Variants in CA4 observed in about 807,000 individuals in gnomAD.
CA4 encodes the protein carbonic anhydrase 4.
Under a neutral mutation model 34.5 loss-of-function variants are expected in CA4, and 24 were observed. That is an observed-to-expected ratio of 0.70 (90% CI 0.50 to 0.98). The LOEUF (loss-of-function observed/expected upper bound fraction) is 0.98. Among genes scored for constraint, CA4 ranks in the 50% least tolerant of loss-of-function variants. The pLI is 0.00. For synonymous variants in CA4, 178 were observed against 170.6 expected (o/e 1.04, Z -0.34); for missense variants, 394 against 396.7 (o/e 0.99, Z 0.06).
chr17:60,160,432 A>T (rs981956087), downstream of CA4, among the ~76,000 whole-genome samples: 3 of 152,184 alleles, frequency 2.0e-5, no homozygotes, highest in Non-Finnish European at 4.4e-5. Flanking sequence ...ATGTTGTCTA[A>T]TAGATCGGGA....
At chr17:60,170,310 C>G (rs115603491) in intron 5 of CA4, among the ~76,000 whole-genome samples, 1 of 152,208 alleles carries the variant, frequency 6.6e-6, no homozygotes, top group African/African-American at 2.4e-5. Flanking sequence ...GTGGGGAGCA[C>G]GAGATTCTCA....
intron 2 of CA4, among the ~76,000 whole-genome samples, 156 bp downstream of exon 2, chr17:60,155,523 A>ACACACACACACACACACT (rs1470282977): frequency 2.1e-5 from 3 of 146,294 alleles, no homozygotes; most frequent in African/African-American, 7.8e-5. Context: ...ACACACACAC[A>ACACACACACACACACACT]CTCTCTCTCT....
Position 60,157,718 on chromosome 17 carries a change from G to A in CA4, c.443G>A (p.Gly148Glu). The change falls in exon 5 of 8, where the codon GGG becomes GAG. Residue 148 changes from glycine (G) to glutamate (E), a missense_variant. By Grantham distance (98) the Gly-to-Glu change is moderately conservative (BLOSUM62 -2). Coordinates refer to ENST00000300900, the MANE Select transcript of CA4 (RefSeq NM_000717.5). ...EMHIVHEKEKGTSRNVKEAQD... is the reference protein window; with the variant it reads ...EMHIVHEKEKETSRNVKEAQD... ...CACATAGTACATGAGAAAGAGAAGGGGACATCGAGGAATGTGAAAGAGGCC... is the reference window on the plus strand; with the variant it reads ...CACATAGTACATGAGAAAGAGAAGGAGACATCGAGGAATGTGAAAGAGGCC... The A allele has an allele frequency of 1.2e-6, 2 of 1,614,044 alleles. No homozygotes were observed. The highest frequency in any genetic ancestry group is 1.3e-5 in the African/African-American group (1 of 75,042).
Position 60,159,438 on chromosome 17 carries a change from C to T in CA4, c.*14C>T. 6.2e-7 allele frequency: 1 copy of T among 1,609,138 alleles called. No homozygotes were observed. The highest frequency in any genetic ancestry group is 1.1e-5 in the South Asian group (1 of 90,718). ...TTCCTGCGATGATGGCTCACTTCTG[C>T]ACGCAGCCTCTCTGTTGCCTCAGCT... On this transcript the variant is annotated 3_prime_UTR_variant, in exon 8 of 8. Transcript: ENST00000300900.
At chr17:60,172,294 T>C (rs1048875752), downstream of CA4, among the ~76,000 whole-genome samples, 1 of 152,192 alleles carries the variant, frequency 6.6e-6, no homozygotes, top group African/African-American at 2.4e-5. Flanking sequence ...ACTGGGCTCC[T>C]CTCTCTGGCA....
At chr17:60,160,738 G>C (rs1335976081), downstream of CA4, among the ~76,000 whole-genome samples, 1 of 122,774 alleles carries the variant, frequency 8.1e-6, no homozygotes, top group Non-Finnish European at 1.7e-5. Context: ...GTGACAGAGA[G>C]AGACTCTGTC....
At chr17:60,171,191 G>A (rs1212087371), downstream of CA4, among the ~76,000 whole-genome samples, 2 of 152,258 alleles carry the variant, frequency 1.3e-5, no homozygotes, top group African/African-American at 2.4e-5. Flanking sequence ...TTTAAGCTAA[G>A]TGGTAGATAC....
At chr17:60,162,107 G>A (rs1376282901), downstream of CA4, among the ~76,000 whole-genome samples, 1 of 152,120 alleles carries the variant, frequency 6.6e-6, no homozygotes, top group Non-Finnish European at 1.5e-5. Flanking sequence ...CTTGTCCAGG[G>A]CCTGGGGCTC....
chr17:60,160,233 G>A (rs939841121), downstream of CA4, among the ~76,000 whole-genome samples: 2 of 152,218 alleles, frequency 1.3e-5, no homozygotes, highest in African/African-American at 4.8e-5. Flanking sequence ...CTGTGCTAGG[G>A]GTGAAAGGGT....
intron 1 of CA4, 26 bp from the exon 2 acceptor site, chr17:60,155,288 C>A (rs751387695): frequency 1.3e-5 from 21 of 1,608,470 alleles, no homozygotes; most frequent in South Asian, 1.0e-4. Flanking sequence ...CGCACGCACA[C>A]TTCACACCCT....
intron 5 of CA4, among the ~76,000 whole-genome samples, chr17:60,167,930 C>T (rs1202900993): frequency 6.6e-6 from 1 of 152,156 alleles, no homozygotes; most frequent in Non-Finnish European, 1.5e-5. Flanking sequence ...GGTCAAGCCA[C>T]ATCAGGAGCT....
In CA4 at chr17:60,159,280, C is replaced by T; in HGVS notation, c.795C>T (p.Ser265=). 6.2e-7 allele frequency: 1 copy of T among 1,610,206 alleles called. No homozygotes were observed. Among genetic ancestry groups the T allele is most frequent in the Non-Finnish European group, 8.5e-7 (1 of 1,178,178 alleles). Residue 265 remains serine, a synonymous_variant, in exon 8 of 8, where the codon AGC becomes AGT. Coordinates refer to ENST00000300900, the MANE Select transcript of CA4 (RefSeq NM_000717.5). ...KLYYDKEQTV[S]MKDNVRPLQQ... Reference sequence around the variant, plus strand: ...ACTACGACAAGGAACAGACAGTGAGCATGAAGGACAATGTCAGGCCCCTGC... The same window carrying T: ...ACTACGACAAGGAACAGACAGTGAGTATGAAGGACAATGTCAGGCCCCTGC...
downstream of CA4, among the ~76,000 whole-genome samples, chr17:60,175,676 A>G (rs2145323215): frequency 6.6e-6 from 1 of 151,568 alleles, no homozygotes; most frequent in South Asian, 2.1e-4. Context: ...CTCAAAAAAA[A>G]AAAAAAAAAA....
chr17:60,158,422 G>A lies in CA4; in HGVS notation c.720G>A (p.Glu240=), dbSNP rs551550605. Residue 240 remains glutamate, a synonymous_variant, in exon 7 of 8, where the codon GAG becomes GAA. Coordinates refer to ENST00000300900, the MANE Select transcript of CA4 (RefSeq NM_000717.5). ...DEKVVWTVFR[E]PIQLHREQIL... is the part of the protein sequence containing the mutation. ...AGGTCGTCTGGACTGTGTTCCGGGA[G>A]CCCATTCAGCTTCACAGAGAACAGG... 7.1e-5 allele frequency: 114 copies of A among 1,614,034 alleles called. No homozygotes were observed. In the South Asian group the frequency reaches 1.2e-3, roughly 17 times the overall value.
downstream of CA4, among the ~76,000 whole-genome samples, chr17:60,172,417 T>C (rs903301551): frequency 6.6e-6 from 1 of 152,208 alleles, no homozygotes; most frequent in African/African-American, 2.4e-5. Flanking sequence ...CACCCATCTG[T>C]GAGTTCCTCT....
At chr17:60,174,379 G>C (rs1410096310), downstream of CA4, among the ~76,000 whole-genome samples, 1 of 151,062 alleles carries the variant, frequency 6.6e-6, no homozygotes, top group Non-Finnish European at 1.5e-5. Context: ...TTAATATCTG[G>C]GTTTCTGGCT....
chr17:60,175,398 A>G (rs564473053), downstream of CA4, among the ~76,000 whole-genome samples: 12 of 150,958 alleles, frequency 7.9e-5, no homozygotes, highest in African/African-American at 1.7e-4. Flanking sequence ...GTGAAACCCC[A>G]TCTCTACAAA....
chr17:60,158,466 G>A lies in CA4; in HGVS notation c.744+20G>A. The A allele has an allele frequency of 6.2e-7, 1 of 1,612,166 alleles. No homozygotes were observed. The highest frequency in any genetic ancestry group is 8.5e-7 in the Non-Finnish European group (1 of 1,179,448). On this transcript the variant is annotated intron_variant, in intron 7 of 7. Transcript: ENST00000300900. ...GAACAGGTGCACAGGGCCTGGGGCA[G>A]GGCATGGGCTCCCACTGCCTGGCTC...
chr17:60,162,261 G>A (rs901222483), downstream of CA4, among the ~76,000 whole-genome samples: 13 of 152,216 alleles, frequency 8.5e-5, no homozygotes, highest in Admixed American at 5.2e-4. Flanking sequence ...CCCACCTCCC[G>A]AGGCCGCCAC....
Sources: allele counts gnomAD v4.1 joint callset (sites outside exome capture counted in the v4.1 genomes callset), GRCh38; gene constraint gnomAD v4.1.1; transcripts MANE v1.5; gene names NCBI Gene and HGNC (gene_info 2026-07-23, HGNC 2026-07-21).